Variants in ARL15 observed in about 807,000 individuals in gnomAD.
ARL15 encodes ADP-ribosylation factor-like protein 15.
A neutral mutation model predicts 25.2 loss-of-function variants in ARL15; 19 were observed. The observed-to-expected ratio is 0.75, with a 90% CI of 0.53 to 1.10. The LOEUF (loss-of-function observed/expected upper bound fraction) is 1.10, where lower values mean the gene tolerates loss of function less well. ARL15 is among the 50% of genes least tolerant of loss of function. The pLI, the probability that ARL15 is intolerant of heterozygous loss-of-function variation, is 0.00. For synonymous variants in ARL15, 94 were observed against 86.8 expected, an observed-to-expected ratio of 1.08 and a Z score of -0.46; for missense variants, 220 against 246.0, an observed-to-expected ratio of 0.89 and a Z score of 0.71.
intron 1 of ARL15, among the ~76,000 whole-genome samples, chr5:54,268,765 T>C (rs1381158896): frequency 3.9e-5 from 6 of 152,174 alleles, no homozygotes; most frequent in Admixed American, 3.3e-4. Flanking sequence ...TAAAGACACA[T>C]GCACACATAT....
At chr5:54,135,504 T>C (rs1194104745) in intron 3 of ARL15, among the ~76,000 whole-genome samples, 1 of 152,252 alleles carries the variant, frequency 6.6e-6, no homozygotes, top group Non-Finnish European at 1.5e-5. Flanking sequence ...CCTAAATTCA[T>C]GTTTCCCAAT....
intron 1 of ARL15, among the ~76,000 whole-genome samples, chr5:54,252,337 C>G (rs1012849461): frequency 3.9e-5 from 6 of 152,188 alleles, no homozygotes; most frequent in Non-Finnish European, 5.9e-5. Context: ...TTTCTTCAAA[C>G]CTTTCTGTTG....
intron 1 of ARL15, among the ~76,000 whole-genome samples, chr5:54,220,655 C>T (rs949801531): frequency 6.6e-6 from 1 of 152,264 alleles, no homozygotes; most frequent in East Asian, 1.9e-4. Context: ...GACCTTCGGA[C>T]GCCGCATGCT....
At chr5:54,142,162 C>T (rs937388901) in intron 3 of ARL15, among the ~76,000 whole-genome samples, 1 of 152,190 alleles carries the variant, frequency 6.6e-6, no homozygotes, top group Non-Finnish European at 1.5e-5. Flanking sequence ...CTTTCACCAG[C>T]TCTATAGCTA....
intron 4 of ARL15, among the ~76,000 whole-genome samples, chr5:54,080,008 C>CAT (rs1459274042): frequency 0.015 from 1,364 of 90,718 alleles, 40 homozygotes; most frequent in African/African-American, 0.047. Context: ...CACACACACA[C>CAT]ACACACACAG....
At chr5:54,196,382 T>TA (rs1485435066) in intron 1 of ARL15, among the ~76,000 whole-genome samples, 2 of 152,094 alleles carry the variant, frequency 1.3e-5, no homozygotes, top group African/African-American at 2.4e-5. Flanking sequence ...CTCCAACACT[T>TA]ACTCAGCCAC....
intron 4 of ARL15, among the ~76,000 whole-genome samples, chr5:54,091,925 T>C (rs979380676): frequency 2.0e-5 from 3 of 152,144 alleles, no homozygotes; most frequent in Non-Finnish European, 2.9e-5. Flanking sequence ...TTTCTGGGCT[T>C]GCCAGCCCTT....
At chr5:54,186,910 A>G (rs986615573) in intron 1 of ARL15, among the ~76,000 whole-genome samples, 1 of 146,134 alleles carries the variant, frequency 6.8e-6, no homozygotes, top group Non-Finnish European at 1.5e-5. Flanking sequence ...CACTCACTCT[A>G]TCAAAGGAGT....
At position 54,284,005 on chromosome 5, in the gene ARL15, G is replaced by A. The variant is rs1758125386; in HGVS notation, c.48+26427C>T. Among the ~76,000 whole-genome samples, 9 of 152,316 alleles carry A rather than the reference G, an allele frequency of 5.9e-5. No individual in the cohort carries two copies. The South Asian group carries it at 1.9e-3, about 32-fold the overall frequency. Reference sequence around the variant, plus strand: ...GGCACAATGAGAACAGTGGACACATGAAGTAGACCATACAGATAAGAGAAC... The same window carrying A: ...GGCACAATGAGAACAGTGGACACATAAAGTAGACCATACAGATAAGAGAAC... On this transcript the variant is annotated intron_variant, in intron 1 of 4. Coordinates refer to ENST00000504924, the MANE Select transcript of ARL15 (RefSeq NM_019087.3).
intron 2 of ARL15, among the ~76,000 whole-genome samples, chr5:54,164,050 T>C (rs1029295006): frequency 2.0e-5 from 3 of 152,078 alleles, no homozygotes; most frequent in Non-Finnish European, 4.4e-5. Context: ...TCCCGTTTTA[T>C]AGGCACCACA....
intron 1 of ARL15, among the ~76,000 whole-genome samples, chr5:54,262,312 A>G (rs1757514945): frequency 6.6e-6 from 1 of 152,200 alleles, no homozygotes; most frequent in Admixed American, 6.5e-5. Flanking sequence ...TGAGAATTTC[A>G]TTCAAACTCA....
intron 4 of ARL15, among the ~76,000 whole-genome samples, chr5:54,087,601 T>G (rs1752011020): frequency 6.6e-6 from 1 of 152,308 alleles, no homozygotes. Context: ...TATTCCACTC[T>G]TTTAAAATAT....
chr5:53,993,677 T>C (rs1748577478), intron 4 of ARL15, among the ~76,000 whole-genome samples: 1 of 152,166 alleles, frequency 6.6e-6, no homozygotes. Flanking sequence ...CTTTCCTCTC[T>C]CTGCTACTTT....
intron 4 of ARL15, among the ~76,000 whole-genome samples, chr5:53,909,444 C>A (rs562041591): frequency 2.0e-4 from 31 of 152,294 alleles, no homozygotes; most frequent in African/African-American, 7.5e-4. Flanking sequence ...CGGTGGCTCA[C>A]GCCAGTAATC....
intron 2 of ARL15, among the ~76,000 whole-genome samples, chr5:54,164,617 A>G (rs558183727): frequency 6.6e-6 from 1 of 152,136 alleles, no homozygotes; most frequent in East Asian, 1.9e-4. Context: ...GAACTTCTTT[A>G]TCCCCAGCCT....
At chr5:54,027,630 G>A (rs1228708078) in intron 4 of ARL15, among the ~76,000 whole-genome samples, 1 of 152,026 alleles carries the variant, frequency 6.6e-6, no homozygotes, top group Non-Finnish European at 1.5e-5. Context: ...TTTTGGTTTT[G>A]TTTCATTTTT....
chr5:53,999,829 A>C (rs989116751), intron 4 of ARL15, among the ~76,000 whole-genome samples: 4 of 152,024 alleles, frequency 2.6e-5, no homozygotes, highest in African/African-American at 9.7e-5. Flanking sequence ...CGGGAGGTGG[A>C]GGTTGCAGTG....
intron 1 of ARL15, among the ~76,000 whole-genome samples, chr5:54,276,385 A>C (rs147309655): frequency 6.6e-6 from 1 of 152,242 alleles, no homozygotes; most frequent in Non-Finnish European, 1.5e-5. Context: ...TGCTAGAACC[A>C]GTATTTGCAG....
chr5:54,165,641 G>T (rs1463726309), intron 2 of ARL15, among the ~76,000 whole-genome samples: 4 of 147,782 alleles, frequency 2.7e-5, no homozygotes, highest in Non-Finnish European at 6.0e-5. Context: ...GTACTACTTT[G>T]TTCTCAAGAG....
Sources: allele counts gnomAD v4.1 joint callset (sites outside exome capture counted in the v4.1 genomes callset), GRCh38; gene constraint gnomAD v4.1.1; transcripts MANE v1.5; gene names NCBI Gene and HGNC (gene_info 2026-07-23, HGNC 2026-07-21).